The following RPL5 variants were observed in gnomAD, a reference collection of about 807,000 sequenced individuals.
RPL5 encodes ribosomal protein L5, also known as large ribosomal subunit protein uL18.
Under a neutral mutation model 38.4 loss-of-function variants are expected in RPL5, and 1 was observed. The ratio of observed to expected loss-of-function variants is 0.03; its 90% CI spans 0.01 to 0.12. RPL5 has a LOEUF of 0.12. Among genes scored for constraint, RPL5 ranks in the 10% least tolerant of loss-of-function variants. The pLI is 1.00. For synonymous variants in RPL5, 109 were observed against 121.2 expected, an observed-to-expected ratio of 0.90 and a Z score of 0.66; for missense variants, 243 against 374.1, an observed-to-expected ratio of 0.65 and a Z score of 2.89.
chr1:92,833,809 G>A, intron 3 of RPL5, 149 bp downstream of exon 3: 1 of 650,322 alleles, frequency 1.5e-6, no homozygotes. Context: ...GTCTAGAATT[G>A]GAACCTGGGA....
rs771599532 is a variant in RPL5, at chr1:92,836,269, T to A, written c.404T>A (p.Ile135Asn). Residue 135 changes from isoleucine (I) to asparagine (N), a missense_variant, in exon 5 of 8, where the codon ATT becomes AAT. Coordinates refer to ENST00000370321, the MANE Select transcript of RPL5 (RefSeq NM_000969.5). ...VTGDEYNVES[I>N]DGQPGAFTCY... ...GGTGATGAATACAATGTGGAAAGCA[T>A]TGATGGTCAGCCAGGTGCCTTCACC... The A allele has an allele frequency of 8.7e-6, 14 of 1,613,976 alleles. No individual in the cohort carries two copies. Among genetic ancestry groups the A allele is most frequent in the Non-Finnish European group, 1.1e-5 (13 of 1,180,020 alleles).
At position 92,837,552 on chromosome 1, in the gene RPL5, G is replaced by C. The variant is rs1345401244; in HGVS notation, c.624G>C (p.Met208Ile). Residue 208 changes from methionine to isoleucine, a missense_variant, in exon 6 of 8, where the codon ATG becomes ATC. Transcript: ENST00000370321. ...TGGGCCAGAATGTTGCAGATTACAT[G>C]CGCTACTTAATGGAAGAAGATGAAG... ...HIMGQNVADY[M>I]RYLMEEDEDA... is the part of the protein sequence containing the mutation. The C allele has an allele frequency of 6.2e-7, 1 of 1,611,998 alleles. No homozygotes were observed. The highest frequency in any genetic ancestry group is 2.2e-5 in the East Asian group (1 of 44,886).
chr1:92,832,311 G>A (rs1686940212), intron 1 of RPL5, 194 bp downstream of exon 1: 6 of 830,142 alleles, frequency 7.2e-6, no homozygotes, highest in South Asian at 2.9e-5. Context: ...TGGGGGGAGG[G>A]GTTGGCGAAG....
intron 7 of RPL5, 107 bp downstream of exon 7, chr1:92,840,746 G>C: frequency 1.2e-6 from 1 of 853,918 alleles, no homozygotes; most frequent in Non-Finnish European, 2.0e-6. Context: ...AGCTCTGCGT[G>C]ATGTGGCAGA....
rs531998002 is a variant in RPL5, at chr1:92,834,228, G to T, written c.190-551G>T. 2.0e-5 allele frequency among the ~76,000 whole-genome samples: 3 copies of T among 152,286 alleles called. No individual in the cohort carries two copies. In the South Asian group the frequency reaches 6.2e-4, roughly 32 times the overall value. ...TATATGCCACTTAACCACTGAAAAG[G>T]TAGTTGTGAATTAAACAGGGCTTTA... is the stretch of plus-strand genomic sequence containing the variant. On this transcript the variant is annotated intron_variant, in intron 3 of 7. Transcript: ENST00000370321.
chr1:92,833,643 A>C lies in RPL5; in HGVS notation c.172A>C (p.Arg58=). The C allele has an allele frequency of 6.2e-7, 1 of 1,610,826 alleles. No individual in the cohort carries two copies. Among genetic ancestry groups the C allele is most frequent in the Non-Finnish European group, 8.5e-7 (1 of 1,178,758 alleles). Residue 58 remains arginine (R), a synonymous_variant, in exon 3 of 8, where the codon AGA becomes CGA. Coordinates refer to ENST00000370321, the MANE Select transcript of RPL5 (RefSeq NM_000969.5). ...CAGGATGATAGTTCGTGTGACAAAC[A>C]GAGATATCATTTGTCAGGTAAGTTG... The part of the protein sequence containing the change: ...KYRMIVRVTN[R]DIICQIAYAR...
intron 7 of RPL5, chr1:92,840,981 C>G (rs1687342379): frequency 2.4e-6 from 1 of 412,882 alleles, no homozygotes; most frequent in African/African-American, 2.0e-5. Flanking sequence ...TGTGATGGCC[C>G]ACAAATACAA....
chr1:92,839,172 A>G (rs1687249443), intron 6 of RPL5, among the ~76,000 whole-genome samples: 1 of 151,842 alleles, frequency 6.6e-6, no homozygotes, highest in South Asian at 2.1e-4. Context: ...CAGCCTGGCC[A>G]ATATGGTGAA....
chr1:92,834,960 T>C, intron 4 of RPL5, 47 bp downstream of exon 4: 1 of 1,599,444 alleles, frequency 6.3e-7, no homozygotes, highest in Non-Finnish European at 8.5e-7. Flanking sequence ...GCTGATTGCT[T>C]GGAGAGTTTT....
At chr1:92,833,361 G>A (rs778601996) in intron 1 of RPL5, 28 bp from the exon 2 acceptor site, 2 of 1,570,584 alleles carry the variant, frequency 1.3e-6, no homozygotes, top group South Asian at 2.2e-5. Context: ...AGACATCAAA[G>A]TTTTAATAAC....
At chr1:92,837,281 G>A in intron 5 of RPL5, 175 bp from the exon 6 acceptor site, 1 of 777,464 alleles carries the variant, frequency 1.3e-6, no homozygotes. Context: ...GGAATTCAGA[G>A]ATGAGCTGCT....
intron 7 of RPL5, 83 bp downstream of exon 7, chr1:92,840,722 C>A: frequency 1.0e-6 from 1 of 979,272 alleles, no homozygotes; most frequent in Non-Finnish European, 1.6e-6. Flanking sequence ...TGTAATTGTG[C>A]AAACTCGATC....
rs755317830 is a variant in RPL5, at chr1:92,836,384, C to T, written c.519C>T (p.Ile173=). Reference sequence around the variant, plus strand: ...GAGCTGTGGATGGAGGCTTGTCTATCCCTCACAGGTAAGAATACTATTTAA... The same window carrying T: ...GAGCTGTGGATGGAGGCTTGTCTATTCCTCACAGGTAAGAATACTATTTAA... The part of the protein sequence containing the change: ...LKGAVDGGLS[I]PHSTKRFPGY... Residue 173 remains isoleucine (I), a synonymous_variant, in exon 5 of 8, where the codon ATC becomes ATT. Transcript: ENST00000370321. The T allele has an allele frequency of 5.0e-6, 8 of 1,614,032 alleles. No individual in the cohort carries two copies. Among genetic ancestry groups the T allele is most frequent in the South Asian group, 1.1e-5 (1 of 91,078 alleles).
intron 6 of RPL5, 163 bp from the exon 7 acceptor site, chr1:92,840,388 G>A (rs1480970224): frequency 1.6e-6 from 1 of 625,880 alleles, no homozygotes; most frequent in Non-Finnish European, 2.8e-6. Context: ...GAATTTGTTA[G>A]GAAAAGGTGA....
At chr1:92,833,744 A>G (rs1013212765) in intron 3 of RPL5, 84 bp downstream of exon 3, 5 of 1,099,970 alleles carry the variant, frequency 4.5e-6, no homozygotes, top group Middle Eastern at 2.8e-4. Flanking sequence ...TGTGTGTTAG[A>G]AGGGCTGTCT....
intron 1 of RPL5, chr1:92,832,918 G>C: frequency 1.5e-6 from 1 of 676,988 alleles, no homozygotes; most frequent in South Asian, 1.6e-5. Flanking sequence ...GTTGTTATTT[G>C]AGGCTAGGTT....
chr1:92,837,632 T>C lies in RPL5; in HGVS notation c.704T>C (p.Met235Thr), dbSNP rs1055462832. 6.2e-7 allele frequency: 1 copy of C among 1,611,534 alleles called. No homozygotes were observed. Among genetic ancestry groups the C allele is most frequent in the Non-Finnish European group, 8.5e-7 (1 of 1,179,152 alleles). ...QYIKNSVTPD[M>T]MEEMYKKAHA... Reference sequence around the variant, plus strand: ...ATAAAGAACAGCGTAACTCCAGACATGGTAAAACATTTACCTAAAAATGCC... The same window carrying C: ...ATAAAGAACAGCGTAACTCCAGACACGGTAAAACATTTACCTAAAAATGCC... Residue 235 changes from methionine to threonine, a missense_variant and splice_region_variant, in exon 6 of 8, where the codon ATG becomes ACG. Met to Thr is a moderately conservative substitution (Grantham distance 81, BLOSUM62 -1). Transcript: ENST00000370321.
Position 92,833,400 on chromosome 1 carries a change from AGTT to A in RPL5, c.19_21del (p.Val7del). On this transcript the variant is annotated inframe_deletion, in exon 2 of 8. Transcript: ENST00000370321. The stretch of plus-strand genomic sequence containing the variant: ...CTTTTTTCTTTAAGGGGTTTGTTAA[AGTT>A]GTTAAGAATAAGGCCTACTTTAAGA... 1 of 1,613,142 alleles carries A rather than the reference AGTT, an allele frequency of 6.2e-7. No homozygotes were observed. Among genetic ancestry groups the A allele is most frequent in the Non-Finnish European group, 8.5e-7 (1 of 1,179,112 alleles).
chr1:92,841,736 T>TC, intron 7 of RPL5, 30 bp from the exon 8 acceptor site: 1 of 1,466,128 alleles, frequency 6.8e-7, no homozygotes, highest in Non-Finnish European at 9.5e-7. Flanking sequence ...CAGTTATAGT[T>TC]TAAAAAATAT....
Sources: allele counts gnomAD v4.1 joint callset (sites outside exome capture counted in the v4.1 genomes callset), GRCh38; gene constraint gnomAD v4.1.1; transcripts MANE v1.5; gene names NCBI Gene and HGNC (gene_info 2026-07-23, HGNC 2026-07-21).